Variants in ANK2 observed in about 807,000 individuals in gnomAD.
ANK2 encodes ankyrin 2.
Under a neutral mutation model 360.5 loss-of-function variants are expected in ANK2, and 83 were observed. That is an observed-to-expected ratio of 0.23 (90% CI 0.19 to 0.28). The LOEUF (loss-of-function observed/expected upper bound fraction) is 0.28. ANK2 is among the 10% of genes least tolerant of loss of function. The pLI, the probability that ANK2 is intolerant of heterozygous loss-of-function variation, is 1.00. For missense variants in ANK2, 4,201 were observed against 4,795.7 expected (o/e 0.88, Z 3.66); for synonymous variants, 1,740 against 1,759.5 (o/e 0.99, Z 0.28).
chr4:113,082,843 T>C (rs1380672674), intron 1 of ANK2, among the ~76,000 whole-genome samples: 1 of 152,228 alleles, frequency 6.6e-6, no homozygotes, highest in African/African-American at 2.4e-5. Context: ...TGTTCATTTT[T>C]ATATTTCCTG....
At chr4:112,906,750 T>C (rs2150953837) in intron 2 of ANK2, among the ~76,000 whole-genome samples, 1 of 152,156 alleles carries the variant, frequency 6.6e-6, no homozygotes, top group South Asian at 2.1e-4. Context: ...AATGAGGATT[T>C]GAGGAAAAGG....
intron 4 of ANK2, among the ~76,000 whole-genome samples, chr4:113,218,173 G>A (rs1293594664): frequency 2.6e-5 from 4 of 151,958 alleles, no homozygotes; most frequent in African/African-American, 9.7e-5. Context: ...AACCTTTACT[G>A]GTAAAATACA....
chr4:112,785,607 G>A, the ANK2 span, among the ~76,000 whole-genome samples: 2 of 151,654 alleles, frequency 1.3e-5, no homozygotes, highest in Non-Finnish European at 1.5e-5. Context: ...ACCTGACCTC[G>A]TGATCCACCC....
intron 1 of ANK2, among the ~76,000 whole-genome samples, chr4:113,120,823 C>G (rs1389954279): frequency 1.3e-5 from 2 of 152,062 alleles, no homozygotes; most frequent in Admixed American, 1.3e-4. Context: ...GTGTTCTCAT[C>G]ATTTAGTTCA....
chr4:113,378,726 A>G (rs1302517158), intron 45 of ANK2, among the ~76,000 whole-genome samples: 1 of 152,234 alleles, frequency 6.6e-6, no homozygotes, highest in African/African-American at 2.4e-5. Context: ...GAGTTAAGCA[A>G]GTGTCATGAA....
At chr4:112,863,591 C>T (rs1270819089) in intron 1 of ANK2, among the ~76,000 whole-genome samples, 2 of 139,374 alleles carry the variant, frequency 1.4e-5, no homozygotes, top group South Asian at 2.3e-4. Context: ...GGCGCGATCT[C>T]GGCTCACTGC....
At chr4:113,284,326 G>T (rs886245262) in intron 18 of ANK2, among the ~76,000 whole-genome samples, 2 of 152,222 alleles carry the variant, frequency 1.3e-5, no homozygotes, top group African/African-American at 4.8e-5. Context: ...TATGAAGGGG[G>T]CATGTGTTTA....
intron 1 of ANK2, chr4:112,881,660 C>G (rs1286718674): frequency 8.8e-6 from 4 of 454,964 alleles, no homozygotes; most frequent in African/African-American, 2.0e-5. Flanking sequence ...TTCCACAGAA[C>G]AGAAGCTAAA....
chr4:112,760,434 G>A, the ANK2 span, among the ~76,000 whole-genome samples: 2 of 151,794 alleles, frequency 1.3e-5, no homozygotes, highest in Non-Finnish European at 2.9e-5. Context: ...TGATCCGCCC[G>A]CCTTGGCCTC....
At chr4:113,246,734 A>T (rs2043069653) in intron 9 of ANK2, among the ~76,000 whole-genome samples, 1 of 152,218 alleles carries the variant, frequency 6.6e-6, no homozygotes, top group African/African-American at 2.4e-5. Context: ...ATAATAATTA[A>T]AGCAGTAACA....
At chr4:113,258,462 C>G (rs1313689646) in intron 13 of ANK2, 51 bp downstream of exon 13, 2 of 1,542,830 alleles carry the variant, frequency 1.3e-6, no homozygotes, top group South Asian at 1.1e-5. Context: ...GCGAGAGGAA[C>G]AGAGATTGTG....
At chr4:113,177,923 G>C (rs760494618) in intron 2 of ANK2, among the ~76,000 whole-genome samples, 6 of 152,016 alleles carry the variant, frequency 3.9e-5, no homozygotes, top group Admixed American at 6.5e-5. Context: ...TATACCCCTG[G>C]GTTGCAATTT....
chr4:113,082,014 T>TAGA (rs1318978996), intron 1 of ANK2, among the ~76,000 whole-genome samples: 1 of 152,068 alleles, frequency 6.6e-6, no homozygotes, highest in African/African-American at 2.4e-5. Flanking sequence ...TCACCATGTT[T>TAGA]GACAGGCTGG....
the ANK2 span, among the ~76,000 whole-genome samples, chr4:112,783,155 C>T: frequency 9.2e-5 from 14 of 152,216 alleles, no homozygotes; most frequent in East Asian, 5.8e-4. Flanking sequence ...TGATTCCCCC[C>T]GCATTGGCCT....
chr4:112,919,057 C>A (rs1442065035), intron 2 of ANK2, among the ~76,000 whole-genome samples: 2 of 152,080 alleles, frequency 1.3e-5, no homozygotes, highest in Non-Finnish European at 2.9e-5. Flanking sequence ...CATGGAAATA[C>A]CCTTTTAGGC....
At chr4:113,304,003 C>T (rs1012687636) in intron 23 of ANK2, among the ~76,000 whole-genome samples, 2 of 152,146 alleles carry the variant, frequency 1.3e-5, no homozygotes, top group South Asian at 2.1e-4. Flanking sequence ...ATTGAGTTTT[C>T]TCAGCTTTTA....
At chr4:113,008,409 A>G (rs2053632559) in intron 2 of ANK2, among the ~76,000 whole-genome samples, 1 of 152,296 alleles carries the variant, frequency 6.6e-6, no homozygotes, top group Admixed American at 6.5e-5. Context: ...TTCACACTGG[A>G]GGTTTTCCAC....
intron 2 of ANK2, among the ~76,000 whole-genome samples, chr4:112,932,704 T>C (rs1385916186): frequency 1.3e-5 from 2 of 152,076 alleles, no homozygotes; most frequent in African/African-American, 4.8e-5. Flanking sequence ...CCCAGATTAC[T>C]ACCTATAATT....
At chr4:112,813,253 T>C (rs1226102673), upstream of ANK2, among the ~76,000 whole-genome samples, 2 of 108,870 alleles carry the variant, frequency 1.8e-5, no homozygotes, top group South Asian at 6.0e-4. Flanking sequence ...AAAAAAAAAA[T>C]CAAAAAAAAA....
Sources: gnomAD v4.1 joint callset for allele counts (sites outside exome capture counted in the v4.1 genomes callset) on GRCh38, gnomAD v4.1.1 for gene constraint, MANE v1.5 for transcripts, NCBI Gene and HGNC (gene_info 2026-07-23, HGNC 2026-07-21) for gene names.